DPP10: variants seen among roughly 807,000 people sequenced by gnomAD.
The protein encoded by DPP10 is dipeptidyl peptidase like 10.
Under a neutral mutation model 120.9 loss-of-function variants are expected in DPP10, and 33 were observed. The ratio of observed to expected loss-of-function variants is 0.27; its 90% CI spans 0.21 to 0.37. DPP10 has a LOEUF of 0.37. DPP10 is among the 10% of genes least tolerant of loss of function. The probability of loss-of-function intolerance (pLI) is 1.00; values close to 1 mark genes in which losing one functional copy is unlikely to be tolerated. For missense variants in DPP10, 816 were observed against 942.8 expected (o/e 0.87, Z 1.76); for synonymous variants, 337 against 326.1 (o/e 1.03, Z -0.36).
At chr2:115,081,130 G>T (rs918165726) in intron 1 of DPP10, among the ~76,000 whole-genome samples, 5 of 152,168 alleles carry the variant, frequency 3.3e-5, no homozygotes, top group Admixed American at 2.6e-4. Flanking sequence ...TCTTGCATGG[G>T]ATTTGTGAGC....
rs527660859 is a variant in DPP10 at position 115,679,765 on chromosome 2, T to TATC, written c.442-9920_442-9918dup. 3.9e-5 allele frequency among the ~76,000 whole-genome samples: 6 copies of TATC among 152,318 alleles called. No homozygotes were observed. In the South Asian group the frequency reaches 1.2e-3, roughly 32 times the overall value. On this transcript the variant is annotated intron_variant, in intron 5 of 25. Transcript: ENST00000410059. The stretch of plus-strand genomic sequence containing the variant: ...GGCACAAAAAGATAAATACCATGTG[T>TATC]ATCACTTGTACGTGGGAACAAAAAC...
intron 5 of DPP10, among the ~76,000 whole-genome samples, chr2:115,608,120 G>C (rs1478093886): frequency 1.3e-5 from 2 of 152,100 alleles, no homozygotes. Flanking sequence ...GGGCGCAATG[G>C]CTCCTGCCTG....
chr2:115,197,946 G>T (rs1000683294), intron 1 of DPP10, among the ~76,000 whole-genome samples: 13 of 152,034 alleles, frequency 8.6e-5, no homozygotes, highest in Non-Finnish European at 1.9e-4. Context: ...TGTATCTCTG[G>T]ACGTGATAAA....
At chr2:115,272,202 A>G (rs1053161108) in intron 1 of DPP10, among the ~76,000 whole-genome samples, 3 of 152,222 alleles carry the variant, frequency 2.0e-5, no homozygotes, top group African/African-American at 7.2e-5. Context: ...AAACTGATCA[A>G]CCTCAGCATT....
At chr2:115,103,195 T>TC (rs2048783156) in intron 1 of DPP10, among the ~76,000 whole-genome samples, 1 of 147,686 alleles carries the variant, frequency 6.8e-6, no homozygotes, top group Non-Finnish European at 1.5e-5. Flanking sequence ...TTTTTTTTTT[T>TC]TTTTTTTTTT....
At chr2:115,706,866 G>T (rs1453566822) in intron 7 of DPP10, among the ~76,000 whole-genome samples, 3 of 151,974 alleles carry the variant, frequency 2.0e-5, no homozygotes, top group Non-Finnish European at 2.9e-5. Flanking sequence ...GGGAACTGTG[G>T]TCTGCATTAA....
intron 5 of DPP10, among the ~76,000 whole-genome samples, chr2:115,535,541 T>C (rs969101665): frequency 6.6e-6 from 1 of 151,018 alleles, no homozygotes; most frequent in African/African-American, 2.4e-5. Flanking sequence ...TGAAGTCAGG[T>C]AGTGTGATGC....
At chr2:115,173,309 C>T (rs2053484057) in intron 1 of DPP10, among the ~76,000 whole-genome samples, 1 of 152,122 alleles carries the variant, frequency 6.6e-6, no homozygotes, top group Non-Finnish European at 1.5e-5. Flanking sequence ...GTCAGCTTCA[C>T]ATTGCTTATT....
At chr2:114,772,449 G>A (rs1444642774) in intron 1 of DPP10, among the ~76,000 whole-genome samples, 2 of 150,128 alleles carry the variant, frequency 1.3e-5, no homozygotes, top group Non-Finnish European at 2.9e-5. Flanking sequence ...GTGAGCCACC[G>A]CACCCAGCCA....
At chr2:114,919,726 A>G (rs1695061269) in intron 1 of DPP10, among the ~76,000 whole-genome samples, 1 of 152,204 alleles carries the variant, frequency 6.6e-6, no homozygotes, top group Non-Finnish European at 1.5e-5. Flanking sequence ...TAACTATTAC[A>G]ATCAACTATT....
At chr2:114,799,893 A>G (rs1284776985) in intron 1 of DPP10, among the ~76,000 whole-genome samples, 1 of 152,194 alleles carries the variant, frequency 6.6e-6, no homozygotes, top group Non-Finnish European at 1.5e-5. Flanking sequence ...CACTATTTGA[A>G]TCATTCTTCA....
chr2:115,378,552 C>G (rs1284814786), intron 3 of DPP10, among the ~76,000 whole-genome samples: 1 of 151,130 alleles, frequency 6.6e-6, no homozygotes, highest in African/African-American at 2.4e-5. Context: ...ATTTCCTTCT[C>G]CTGCCTAATT....
intron 1 of DPP10, among the ~76,000 whole-genome samples, chr2:114,496,556 T>C (rs1289674266): frequency 1.3e-5 from 2 of 152,126 alleles, no homozygotes; most frequent in African/African-American, 2.4e-5. Flanking sequence ...CTCGGGCCTC[T>C]TTTATGAGGG....
At chr2:114,787,887 TTTAA>T (rs1423093109) in intron 1 of DPP10, among the ~76,000 whole-genome samples, 1 of 152,228 alleles carries the variant, frequency 6.6e-6, no homozygotes, top group South Asian at 2.1e-4. Context: ...GCTATAATAG[TTTAA>T]TTGAGTATAG....
intron 1 of DPP10, among the ~76,000 whole-genome samples, chr2:114,784,053 G>A (rs531065360): frequency 6.6e-6 from 1 of 152,180 alleles, no homozygotes; most frequent in Admixed American, 6.5e-5. Context: ...AAGCACAAGG[G>A]AGTTAATGCC....
chr2:115,401,014 T>A (rs2104481083), intron 3 of DPP10, among the ~76,000 whole-genome samples: 1 of 152,202 alleles, frequency 6.6e-6, no homozygotes, highest in Middle Eastern at 3.4e-3. Context: ...GAGGTCCTGG[T>A]TGGGGGAGCA....
chr2:114,661,632 CTCTG>C (rs1357679837), intron 1 of DPP10, among the ~76,000 whole-genome samples: 15 of 152,138 alleles, frequency 9.9e-5, no homozygotes, highest in Non-Finnish European at 2.1e-4. Flanking sequence ...ACTCAGGGAT[CTCTG>C]TCTTTTTTGT....
chr2:114,542,819 T>C (rs1047096599), intron 1 of DPP10, among the ~76,000 whole-genome samples: 3 of 152,228 alleles, frequency 2.0e-5, no homozygotes, highest in Non-Finnish European at 2.9e-5. Flanking sequence ...CAAAACTGAA[T>C]GTGCCTCATA....
At chr2:114,487,478 A>C (rs1681612202) in intron 1 of DPP10, among the ~76,000 whole-genome samples, 1 of 152,208 alleles carries the variant, frequency 6.6e-6, no homozygotes, top group Non-Finnish European at 1.5e-5. Context: ...CTGTTTAAGC[A>C]TAAAGTTCTC....
Sources: gnomAD v4.1 joint callset for allele counts (sites outside exome capture counted in the v4.1 genomes callset) on GRCh38, gnomAD v4.1.1 for gene constraint, MANE v1.5 for transcripts, NCBI Gene and HGNC (gene_info 2026-07-23, HGNC 2026-07-21) for gene names.